RGS13: variants seen among roughly 807,000 people sequenced by gnomAD.
The protein encoded by RGS13 is regulator of G-protein signalling 13.
A neutral mutation model predicts 19.9 loss-of-function variants in RGS13; 14 were observed. The observed-to-expected ratio is 0.70, with a 90% CI of 0.46 to 1.10. RGS13 has a LOEUF of 1.10. Among genes scored for constraint, RGS13 ranks in the 50% least tolerant of loss-of-function variants. The probability of loss-of-function intolerance (pLI) is 0.00; values close to 1 mark genes in which losing one functional copy is unlikely to be tolerated. For synonymous variants in RGS13, 60 were observed against 56.8 expected (o/e 1.06, Z -0.25); for missense variants, 205 against 187.1 (o/e 1.10, Z -0.56).
chr1:192,636,910 T>G (rs1279743231), intron 1 of RGS13, among the ~76,000 whole-genome samples: 2 of 152,112 alleles, frequency 1.3e-5, no homozygotes, highest in East Asian at 3.9e-4. Context: ...TATAAATTGC[T>G]CCAAATTTTA....
Position 192,659,241 on chromosome 1 carries a change from G to A in RGS13, c.295-97G>A. The A allele has an allele frequency of 5.2e-6, 4 of 770,924 alleles. No individual in the cohort carries two copies. In the South Asian group the frequency reaches 7.4e-5, roughly 14 times the overall value. The allele number at this position is 770,924 out of a possible 1,614,324, so 47.8% of individuals were successfully genotyped here. ...ACAAAGAAAATTACCCTATTCCACT[G>A]AAAAGGAGAGCAGAGAATAAATTAA... On this transcript the variant is annotated intron_variant, in intron 6 of 6. Transcript: ENST00000391995.
intron 5 of RGS13, among the ~76,000 whole-genome samples, chr1:192,648,423 T>C (rs1169573191): frequency 2.0e-5 from 3 of 152,138 alleles, no homozygotes; most frequent in Non-Finnish European, 2.9e-5. Flanking sequence ...TACATGGGTC[T>C]GAATATAGTT....
intron 3 of RGS13, among the ~76,000 whole-genome samples, chr1:192,641,138 AAGGAAAGAAAGAAAG>A (rs1359942981): frequency 4.0e-5 from 6 of 151,616 alleles, no homozygotes; most frequent in East Asian, 1.9e-4. Flanking sequence ...AGATGGAAGG[AAGGAAAGAAAGAAAG>A]AGGAAAGAAA....
rs961833275 is a variant in RGS13, at chr1:192,642,692, C to A, written c.-4-1639C>A. 1.3e-5 allele frequency among the ~76,000 whole-genome samples: 2 copies of A among 151,952 alleles called. 1 individual carries two copies. Among genetic ancestry groups the A allele is most frequent in the South Asian group, 4.2e-4 (2 of 4,818 alleles). ...CTCTTAATCTTTGCTCAAGTTGCCC[C>A]TCCTTCACTCAGCACACTCGTGGAT... On this transcript the variant is annotated intron_variant, in intron 3 of 6. Coordinates refer to ENST00000391995, the MANE Select transcript of RGS13 (RefSeq NM_002927.5).
Position 192,643,721 on chromosome 1 carries a change from T to A in RGS13, c.-4-610T>A, listed in dbSNP as rs6698108. 8.5e-5 allele frequency among the ~76,000 whole-genome samples: 13 copies of A among 152,098 alleles called. No homozygotes were observed. The South Asian group carries it at 2.7e-3, about 32-fold the overall frequency. On this transcript the variant is annotated intron_variant, in intron 3 of 6. Transcript: ENST00000391995. Reference sequence around the variant, plus strand: ...TCCCAGCAGTTCGGAAAGCTGAGGTTGGCAGGTTGTTTGGGCCCAGGAGTT... The same window carrying A: ...TCCCAGCAGTTCGGAAAGCTGAGGTAGGCAGGTTGTTTGGGCCCAGGAGTT...
chr1:192,651,817 G>C, intron 5 of RGS13, among the ~76,000 whole-genome samples: 1 of 152,052 alleles, frequency 6.6e-6, no homozygotes. Context: ...GATTGCTTAG[G>C]AGAGGATGTT....
intron 1 of RGS13, among the ~76,000 whole-genome samples, chr1:192,636,646 A>C (rs991276676): frequency 1.3e-5 from 2 of 152,052 alleles, no homozygotes; most frequent in African/African-American, 4.8e-5. Flanking sequence ...ATAAAAACAT[A>C]TTATAAAATC....
chr1:192,641,140 GGAAA>G lies in RGS13; in HGVS notation c.-5+2948_-5+2951del, dbSNP rs201098618. 1.4e-3 allele frequency among the ~76,000 whole-genome samples: 191 copies of G among 139,150 alleles called. 1 individual carries two copies. The highest frequency in any genetic ancestry group is 0.01 in the East Asian group (50 of 4,794). The allele number at this position is 139,150 out of a possible 152,430, so 91.3% of individuals were successfully genotyped here. ...GAGAAAGAAGGAAAGATGGAAGGAA[GGAAA>G]GAAAGAAAGAGGAAAGAAAGAGAGA... On this transcript the variant is annotated intron_variant, in intron 3 of 6. Coordinates refer to ENST00000391995, the MANE Select transcript of RGS13 (RefSeq NM_002927.5).
rs1409350108 is a variant in RGS13 at position 192,659,430 on chromosome 1, T to C, written c.387T>C (p.Tyr129=). 2 of 1,612,708 alleles carry C rather than the reference T, an allele frequency of 1.2e-6. No individual in the cohort carries two copies. The highest frequency in any genetic ancestry group is 1.3e-5 in the African/African-American group (1 of 74,890). Residue 129 remains tyrosine, a synonymous_variant, in exon 7 of 7, where the codon TAT becomes TAC. Coordinates refer to ENST00000391995, the MANE Select transcript of RGS13 (RefSeq NM_002927.5). ...TTGAAGAAGCTCAGAAAATAGTCTA[T>C]ATGCATATGGAAAGGGATTCCTACC... ...TCFEEAQKIV[Y]MHMERDSYPR...
intron 5 of RGS13, among the ~76,000 whole-genome samples, chr1:192,652,588 T>C (rs1261305284): frequency 6.6e-6 from 1 of 151,850 alleles, no homozygotes; most frequent in Non-Finnish European, 1.5e-5. Context: ...TAGACATCAC[T>C]GTCCAATTAG....
intron 5 of RGS13, among the ~76,000 whole-genome samples, chr1:192,650,608 A>G (rs1558051880): frequency 6.6e-6 from 1 of 152,088 alleles, no homozygotes; most frequent in East Asian, 1.9e-4. Flanking sequence ...ATTGGTTTAG[A>G]GACGTTTTAG....
intron 3 of RGS13, among the ~76,000 whole-genome samples, chr1:192,641,296 A>AAG (rs1383213031): frequency 8.3e-6 from 1 of 120,672 alleles, no homozygotes; most frequent in Non-Finnish European, 2.0e-5. Flanking sequence ...GAAAGAAAGA[A>AAG]AGAAAGAAAG....
chr1:192,657,917 C>G (rs1163133383), intron 5 of RGS13, among the ~76,000 whole-genome samples: 2 of 152,132 alleles, frequency 1.3e-5, no homozygotes, highest in Non-Finnish European at 2.9e-5. Flanking sequence ...GTGATGTCTC[C>G]TGTCCTATCT....
intron 3 of RGS13, among the ~76,000 whole-genome samples, chr1:192,641,254 A>AAAAG (rs771323101): frequency 0.074 from 4,948 of 66,984 alleles, 237 homozygotes; most frequent in African/African-American, 0.15. Context: ...GAAAAGAAAG[A>AAAAG]AAAGAAAGAA....
chr1:192,658,085 A>T, intron 5 of RGS13, 116 bp from the exon 6 acceptor site: 1 of 676,542 alleles, frequency 1.5e-6, no homozygotes, highest in Non-Finnish European at 2.5e-6. Flanking sequence ...GATATAAAAT[A>T]TTTACTTGTT....
intron 3 of RGS13, among the ~76,000 whole-genome samples, chr1:192,638,620 G>A (rs775942635): frequency 9.9e-5 from 15 of 152,060 alleles, no homozygotes; most frequent in Non-Finnish European, 2.2e-4. Context: ...CAGGCTCCAG[G>A]CACAGGAGCA....
At chr1:192,643,677 C>T (rs1316718475) in intron 3 of RGS13, among the ~76,000 whole-genome samples, 2 of 152,166 alleles carry the variant, frequency 1.3e-5, no homozygotes, top group Non-Finnish European at 2.9e-5. Context: ...TGGCTGGGCA[C>T]AGTGGCTCAT....
chr1:192,637,692 C>T (rs937197326), intron 2 of RGS13, 32 bp downstream of exon 2: 3 of 151,944 alleles, frequency 2.0e-5, no homozygotes, highest in African/African-American at 4.8e-5. Context: ...ATCAGTTCTA[C>T]GTCATGCCAA....
At chr1:192,643,422 C>A (rs887189969) in intron 3 of RGS13, among the ~76,000 whole-genome samples, 16 of 150,740 alleles carry the variant, frequency 1.1e-4, no homozygotes, top group Admixed American at 6.7e-5. Context: ...TTTTTAAAGT[C>A]CTGAGTTAAA....
Sources: gnomAD v4.1 joint callset for allele counts (sites outside exome capture counted in the v4.1 genomes callset) on GRCh38, gnomAD v4.1.1 for gene constraint, MANE v1.5 for transcripts, NCBI Gene and HGNC (gene_info 2026-07-23, HGNC 2026-07-21) for gene names.